IQCH: variants seen among roughly 807,000 people sequenced by gnomAD.
The protein encoded by IQCH is IQ domain-containing protein H.
IQCH carries 98 observed loss-of-function variants against 117.0 expected under a neutral mutation model. The observed-to-expected ratio is 0.84, with a 90% CI of 0.71 to 0.99. The LOEUF (loss-of-function observed/expected upper bound fraction) is 0.99. Ranked by LOEUF, IQCH falls within the 50% of genes least tolerant of loss-of-function variation. The probability of loss-of-function intolerance (pLI) is 0.00; values close to 1 mark genes in which losing one functional copy is unlikely to be tolerated. For missense variants in IQCH, 1,102 were observed against 1,243.8 expected (o/e 0.89, Z 1.72); for synonymous variants, 412 against 448.2 (o/e 0.92, Z 1.02).
intron 16 of IQCH, among the ~76,000 whole-genome samples, chr15:67,428,478 G>T (rs926523136): frequency 6.6e-6 from 1 of 152,128 alleles, no homozygotes; most frequent in East Asian, 1.9e-4. Context: ...TTGCATATGT[G>T]ATTAAGTTAA....
chr15:67,384,706 A>T lies in IQCH; in HGVS notation c.1373-230A>T, dbSNP rs191513778. Among the ~76,000 whole-genome samples, 30 of 151,920 alleles carry T rather than the reference A, an allele frequency of 2.0e-4. No individual in the cohort carries two copies. The highest frequency in any genetic ancestry group is 6.5e-4 in the African/African-American group (27 of 41,460). ...CTTAGCAGCCTTGTTGGTACTGAAA[A>T]ATGTGAACCCCTCTGTTACAGAGTA... On this transcript the variant is annotated intron_variant, in intron 10 of 20. Coordinates refer to ENST00000335894, the MANE Select transcript of IQCH (RefSeq NM_001031715.3). The surrounding 1 kb of genome is among the most constrained non-coding windows in gnomAD (Gnocchi z 4.3).
Position 67,416,868 on chromosome 15 carries a change from C to T in IQCH, c.2098-63C>T. ...GTTGGAGGCCTGGTTTTTAATCACT[C>T]CACAAGCAGTTTTCATTTCTGTAGT... On this transcript the variant is annotated intron_variant, in intron 14 of 20. Transcript: ENST00000335894. The surrounding 1 kb of genome is among the most constrained non-coding windows in gnomAD (Gnocchi z 5.1). 6.9e-7 allele frequency: 1 copy of T among 1,449,108 alleles called. No homozygotes were observed. The highest frequency in any genetic ancestry group is 9.2e-7 in the Non-Finnish European group (1 of 1,089,804). The allele number at this position is 1,449,108 out of a possible 1,614,324, so 89.8% of individuals were successfully genotyped here.
chr15:67,332,911 A>G (rs1432210242), intron 4 of IQCH, among the ~76,000 whole-genome samples: 3 of 152,224 alleles, frequency 2.0e-5, no homozygotes, highest in African/African-American at 7.2e-5. Context: ...TATAACAAAA[A>G]TACGATAAAC....
Position 67,421,402 on chromosome 15 carries a change from A to G in IQCH, c.2330A>G (p.His777Arg), listed in dbSNP as rs369586851. The G allele has an allele frequency of 1.3e-5, 21 of 1,614,176 alleles. No homozygotes were observed. Among genetic ancestry groups the G allele is most frequent in the Middle Eastern group, 3.3e-4 (2 of 6,062 alleles). ...ISVLSTGDQL[H>R]AESPFISSGT... ...GTGCTGTCGACAGGGGACCAGCTTC[A>G]TGCTGAAAGCCCCTTCATCTCCTCT... Residue 777 changes from histidine (H) to arginine (R), a missense_variant, in exon 16 of 21, where the codon CAT (histidine) becomes CGT (arginine). Transcript: ENST00000335894.
At chr15:67,315,115 A>T (rs1011107683) in intron 4 of IQCH, among the ~76,000 whole-genome samples, 3 of 152,202 alleles carry the variant, frequency 2.0e-5, no homozygotes, top group African/African-American at 7.2e-5. Context: ...TAAGAGACTG[A>T]TGTACAAACT....
At position 67,387,995 on chromosome 15, in the gene IQCH, C is replaced by T; in HGVS notation, c.1457-836C>T. 6.6e-6 allele frequency among the ~76,000 whole-genome samples: 1 copy of T among 152,164 alleles called. No individual in the cohort carries two copies. The highest frequency in any genetic ancestry group is 1.5e-5 in the Non-Finnish European group (1 of 68,026). ...CCACAATGATTACTGTATTTCCCTC[C>T]ACATTTAGCCAAGGGCTTTGCCCCT... On this transcript the variant is annotated intron_variant, in intron 11 of 20. Coordinates refer to ENST00000335894, the MANE Select transcript of IQCH (RefSeq NM_001031715.3). This position sits in a 1 kb window ranked among gnomAD's most constrained non-coding sequence, Gnocchi z 4.8.
In IQCH at chr15:67,365,622, A is replaced by G. The variant is rs1204027735; in HGVS notation, c.753+5737A>G. On this transcript the variant is annotated intron_variant, in intron 8 of 20. Transcript: ENST00000335894. This position sits in a 1 kb window ranked among gnomAD's most constrained non-coding sequence, Gnocchi z 4.4. ...GAGATAAGTGCTATGAAGAAAAATAAACCAGAATACATATGTAGGTATAGA... is the reference window on the plus strand; with the variant it reads ...GAGATAAGTGCTATGAAGAAAAATAGACCAGAATACATATGTAGGTATAGA... 6.6e-6 allele frequency among the ~76,000 whole-genome samples: 1 copy of G among 152,184 alleles called. No individual in the cohort carries two copies. The highest frequency in any genetic ancestry group is 2.4e-5 in the African/African-American group (1 of 41,438).
Position 67,416,831 on chromosome 15 carries a change from T to A in IQCH, c.2098-100T>A, listed in dbSNP as rs2081589883. ...TGACTCTGGGTAAACAGTAACCACA[T>A]TTTTTTTGCCTGTTGGAGGCCTGGT... On this transcript the variant is annotated intron_variant, in intron 14 of 20. Transcript: ENST00000335894. The surrounding 1 kb of genome is among the most constrained non-coding windows in gnomAD (Gnocchi z 5.1). 37 of 877,590 alleles carry A rather than the reference T, an allele frequency of 4.2e-5. No individual in the cohort carries two copies. Among genetic ancestry groups the A allele is most frequent in the Middle Eastern group, 7.9e-4 (2 of 2,536 alleles). The allele number at this position is 877,590 out of a possible 1,614,324, so 54.4% of individuals were successfully genotyped here. A position where few individuals can be genotyped will look rare whatever the true frequency, so the allele number is the denominator to read the frequency against.
At chr15:67,434,749 T>C (rs1047180374) in intron 16 of IQCH, among the ~76,000 whole-genome samples, 19 of 151,648 alleles carry the variant, frequency 1.3e-4, no homozygotes, top group Non-Finnish European at 2.5e-4. Context: ...CTCCACATTC[T>C]CACCAATACT....
chr15:67,341,586 C>G (rs1327327999), intron 5 of IQCH, among the ~76,000 whole-genome samples: 1 of 152,160 alleles, frequency 6.6e-6, no homozygotes, highest in Non-Finnish European at 1.5e-5. Context: ...TACATCATTT[C>G]TGATTACTTC....
chr15:67,275,390 A>G (rs1236111754), intron 3 of IQCH, among the ~76,000 whole-genome samples: 1 of 151,944 alleles, frequency 6.6e-6, no homozygotes, highest in Non-Finnish European at 1.5e-5. Context: ...TCCCTTCTCC[A>G]TGACCTGGGA....
intron 6 of IQCH, among the ~76,000 whole-genome samples, chr15:67,351,189 G>A (rs528986254): frequency 3.2e-4 from 48 of 152,064 alleles, no homozygotes; most frequent in Non-Finnish European, 5.4e-4. Context: ...CATCATTTAG[G>A]TTTTAAGATC....
chr15:67,358,119 A>G (rs1212619197), intron 7 of IQCH, among the ~76,000 whole-genome samples: 1 of 146,502 alleles, frequency 6.8e-6, no homozygotes. Context: ...TCGGCCTCCC[A>G]AAGCGCTGGG....
rs1286063478 is a variant in IQCH, at chr15:67,417,284, C to CT, written c.2218+240dup. Among the ~76,000 whole-genome samples the CT allele has an allele frequency of 6.6e-6, 1 of 152,096 alleles. No individual in the cohort carries two copies. Among genetic ancestry groups the CT allele is most frequent in the Non-Finnish European group, 1.5e-5 (1 of 68,018 alleles). On this transcript the variant is annotated intron_variant, in intron 15 of 20. Coordinates refer to ENST00000335894, the MANE Select transcript of IQCH (RefSeq NM_001031715.3). The surrounding 1 kb of genome is among the most constrained non-coding windows in gnomAD (Gnocchi z 4.3). ...GCATGGGAAGCTCAAGATTCTGGGCCTTTTTTTACACTACAAACTTCTCCT... is the reference window on the plus strand; with the variant it reads ...GCATGGGAAGCTCAAGATTCTGGGCCTTTTTTTTACACTACAAACTTCTCCT...
rs781397280 is a variant in IQCH at position 67,417,091 on chromosome 15, C to T, written c.2218+40C>T. On this transcript the variant is annotated intron_variant, in intron 15 of 20. Coordinates refer to ENST00000335894, the MANE Select transcript of IQCH (RefSeq NM_001031715.3). This position sits in a 1 kb window ranked among gnomAD's most constrained non-coding sequence, Gnocchi z 4.3. ...AAAGTTTCTATTGAGGATTAGTCTA[C>T]ACAACCTTGGATTCTAGTTTTGGGT... is the stretch of plus-strand genomic sequence containing the variant. The T allele has an allele frequency of 5.8e-6, 9 of 1,543,740 alleles. No homozygotes were observed. The highest frequency in any genetic ancestry group is 1.8e-4 in the Middle Eastern group (1 of 5,624).
intron 4 of IQCH, among the ~76,000 whole-genome samples, chr15:67,292,785 T>G (rs953696595): frequency 1.3e-5 from 2 of 152,224 alleles, no homozygotes; most frequent in African/African-American, 2.4e-5. Context: ...TTATCTCACC[T>G]AATAAAATCA....
rs1780325498 is a variant in IQCH, at chr15:67,453,626, T to TC, written c.2506-11499dup. On this transcript the variant is annotated intron_variant, in intron 16 of 20. Transcript: ENST00000335894. The surrounding 1 kb of genome is among the most constrained non-coding windows in gnomAD (Gnocchi z 5.8). ...AGTACCCGGCCATGTAAGGTGTCAG[T>TC]CCGCCCCTACTGGGGGGTGCCTCCC... 6.6e-6 allele frequency among the ~76,000 whole-genome samples: 1 copy of TC among 152,156 alleles called. No individual in the cohort carries two copies. Among genetic ancestry groups the TC allele is most frequent in the Non-Finnish European group, 1.5e-5 (1 of 68,016 alleles).
rs907018418 is a variant in IQCH, at chr15:67,416,069, T to A, written c.2098-862T>A. Among the ~76,000 whole-genome samples, 8 of 151,788 alleles carry A rather than the reference T, an allele frequency of 5.3e-5. No individual in the cohort carries two copies. Among genetic ancestry groups the A allele is most frequent in the African/African-American group, 1.7e-4 (7 of 41,298 alleles). On this transcript the variant is annotated intron_variant, in intron 14 of 20. Coordinates refer to ENST00000335894, the MANE Select transcript of IQCH (RefSeq NM_001031715.3). This position sits in a 1 kb window ranked among gnomAD's most constrained non-coding sequence, Gnocchi z 5.1. ...CACAGCAAGACCCTGTCTCAAAAAA[T>A]TTTTTTTAAAAATTAAAAAATATAT...
At chr15:67,485,044 T>G (rs1473222380) in intron 18 of IQCH, among the ~76,000 whole-genome samples, 1 of 152,064 alleles carries the variant, frequency 6.6e-6, no homozygotes, top group Non-Finnish European at 1.5e-5. Flanking sequence ...TTCAACATAA[T>G]CTATGAAAGC....
Sources: gnomAD v4.1 joint callset for allele counts (sites outside exome capture counted in the v4.1 genomes callset) on GRCh38, gnomAD v4.1.1 for gene constraint, Gnocchi (gnomAD v3.1) non-coding constraint, MANE v1.5 for transcripts, NCBI Gene and HGNC (gene_info 2026-07-23, HGNC 2026-07-21) for gene names.